Variants in TEP1 observed in about 807,000 individuals in gnomAD.
The protein encoded by TEP1 is telomerase associated protein 1.
In TEP1, 241 loss-of-function variants were observed where a neutral mutation model predicts 306.3. The observed-to-expected ratio is 0.79, with a 90% confidence interval of 0.71 to 0.88. The LOEUF is 0.88. Among genes scored for constraint, TEP1 ranks in the 40% least tolerant of loss-of-function variants. The pLI is 0.00. For synonymous variants in TEP1, 1,289 were observed against 1,305.5 expected (o/e 0.99, Z 0.27); for missense variants, 3,051 against 3,276.1 (o/e 0.93, Z 1.68).
Position 20,386,506 on chromosome 14 carries a change from G to T in TEP1, c.2802C>A (p.Ile934=). ...AGCGGAGGTCGATTCCGTGAAGGCT[G>T]ATACGGTGAGGGGCCGCTCGGGCCT... ...ALQARAAPHR[I]SLHGIDLRWG... The change falls in exon 19 of 55, where the codon ATC becomes ATA. Residue 934 remains isoleucine (I), a synonymous_variant. Coordinates refer to ENST00000262715, the MANE Select transcript of TEP1 (RefSeq NM_007110.5). 1 of 1,612,942 alleles carries T rather than the reference G, an allele frequency of 6.2e-7. No homozygotes were observed. The highest frequency in any genetic ancestry group is 1.1e-5 in the South Asian group (1 of 90,988).
In TEP1 at chr14:20,369,460, T is replaced by G; in HGVS notation, c.7540A>C (p.Thr2514Pro). 1 of 1,614,176 alleles carries G rather than the reference T, an allele frequency of 6.2e-7. No homozygotes were observed. The highest frequency in any genetic ancestry group is 8.5e-7 in the Non-Finnish European group (1 of 1,180,028). The change falls in exon 53 of 55, where the codon ACC becomes CCC. Residue 2514 changes from threonine to proline, a missense_variant. Physicochemically the swap from Thr to Pro is conservative, Grantham distance 38. Transcript: ENST00000262715. Reference sequence around the variant, plus strand: ...GATGGGTCTGTCCCTGGAGTTTGGGTTTCTGGAGTGTTTGCTTTTTTCTGC... The same window carrying G: ...GATGGGTCTGTCCCTGGAGTTTGGGGTTCTGGAGTGTTTGCTTTTTTCTGC... Reference protein sequence around the residue: ...MWQKKANTPETQTPGTDPSTC... With the variant: ...MWQKKANTPEPQTPGTDPSTC...
chr14:20,390,179 T>C lies in TEP1; in HGVS notation c.2335-439A>G, dbSNP rs1171212811. Among the ~76,000 whole-genome samples, 3 of 152,086 alleles carry C rather than the reference T, an allele frequency of 2.0e-5. No homozygotes were observed. The East Asian group carries it at 5.8e-4, about 29-fold the overall frequency. On this transcript the variant is annotated intron_variant, in intron 15 of 54. Transcript: ENST00000262715. ...CAGGAGTTTTAGTTGCAGTGAGCTA[T>C]AAGCGAGCCACTTCACTCCAGCCTG...
chr14:20,378,996 A>C lies in TEP1; in HGVS notation c.5237T>G (p.Leu1746Arg), dbSNP rs1237189432. Residue 1746 changes from leucine to arginine, a missense_variant, in exon 36 of 55, where the codon CTG (leucine) becomes CGG (arginine). Leu to Arg is a moderately radical substitution (Grantham distance 102). Around this residue, in one of 3 missense-constraint regions of TEP1, gnomAD observed 1,540 missense variants for 1,705.9 expected, o/e 0.90. Transcript: ENST00000262715. ...GACCCCTTACCGACAACCATGCTGCAGGTCCCAGAGCTCCAGGAGCCCGTC... is the reference window on the plus strand; with the variant it reads ...GACCCCTTACCGACAACCATGCTGCCGGTCCCAGAGCTCCAGGAGCCCGTC... ...AFDGLLELWD[L>R]QHGCRVLQTK... 6.2e-7 allele frequency: 1 copy of C among 1,614,228 alleles called. No individual in the cohort carries two copies. Among genetic ancestry groups the C allele is most frequent in the East Asian group, 2.2e-5 (1 of 44,888 alleles).
chr14:20,412,422 C>T (rs1490315288), intron 1 of TEP1, among the ~76,000 whole-genome samples: 1 of 152,132 alleles, frequency 6.6e-6, no homozygotes, highest in Non-Finnish European at 1.5e-5. Context: ...AAAGGAGATT[C>T]GGCTGAACCA....
At chr14:20,409,792 G>A (rs895630013) in intron 1 of TEP1, among the ~76,000 whole-genome samples, 6 of 151,868 alleles carry the variant, frequency 4.0e-5, no homozygotes, top group Non-Finnish European at 5.9e-5. Flanking sequence ...AGGCCGAGGC[G>A]GGCGGATCAC....
At chr14:20,405,378 CCCGCCACA>C (rs375869483) in intron 4 of TEP1, 65 bp downstream of exon 4, 3 of 1,548,492 alleles carry the variant, frequency 1.9e-6, no homozygotes, top group Non-Finnish European at 1.7e-6. Context: ...TAGTCACCAC[CCCGCCACA>C]CACCATAACC....
At position 20,395,900 on chromosome 14, in the gene TEP1, T is replaced by C. The variant is rs1330277970; in HGVS notation, c.1709A>G (p.His570Arg). ...AGCCTCGAGGGCATCAATGGCATCATGGGCGTTAAGAAATCTGAATGGAAA... is the reference window on the plus strand; with the variant it reads ...AGCCTCGAGGGCATCAATGGCATCACGGGCGTTAAGAAATCTGAATGGAAA... ...RQFPFRFLNA[H>R]DAIDALEAQL... Residue 570 changes from histidine to arginine, a missense_variant, in exon 11 of 55, where the codon CAT becomes CGT. His to Arg is a conservative substitution (Grantham distance 29). Coordinates refer to ENST00000262715, the MANE Select transcript of TEP1 (RefSeq NM_007110.5). 4.3e-6 allele frequency: 7 copies of C among 1,613,960 alleles called. No homozygotes were observed. The highest frequency in any genetic ancestry group is 1.7e-5 in the Admixed American group (1 of 59,998).
chr14:20,406,935 C>A (rs1266475863), intron 2 of TEP1, among the ~76,000 whole-genome samples: 1 of 152,134 alleles, frequency 6.6e-6, no homozygotes, highest in Admixed American at 6.5e-5. Context: ...CTGATAACAA[C>A]CCTGTGAAGT....
At position 20,378,224 on chromosome 14, in the gene TEP1, G is replaced by T. The variant is rs1021828103; in HGVS notation, c.5521C>A (p.Pro1841Thr). Residue 1841 changes from proline (P) to threonine (T), a missense_variant, in exon 39 of 55, where the codon CCC (proline) becomes ACC (threonine). By Grantham distance (38) the Pro-to-Thr change is conservative (BLOSUM62 -1). Coordinates refer to ENST00000262715, the MANE Select transcript of TEP1 (RefSeq NM_007110.5). ...GLKVTKDLGAPGASIRTLAFN... is the reference protein window; with the variant it reads ...GLKVTKDLGATGASIRTLAFN... ...GCCAAGGTACGGATAGAGGCTCCGG[G>T]TGCCCCCAGGTCCTACACAGGGAGG... 6.2e-6 allele frequency: 10 copies of T among 1,613,310 alleles called. No homozygotes were observed. The highest frequency in any genetic ancestry group is 1.7e-5 in the Admixed American group (1 of 60,000).
rs779214026 is a variant in TEP1, at chr14:20,373,587, A to C, written c.6605-4T>G. ...AGCTCTGACCCAGGCTGTCCAGCTGATAAGACACAGAGACTGAGTCAGAAG... is the reference window on the plus strand; with the variant it reads ...AGCTCTGACCCAGGCTGTCCAGCTGCTAAGACACAGAGACTGAGTCAGAAG... On this transcript the variant is annotated splice_polypyrimidine_tract_variant and splice_region_variant and intron_variant, in intron 45 of 54. Transcript: ENST00000262715. 1.9e-6 allele frequency: 3 copies of C among 1,614,244 alleles called. No homozygotes were observed. Among genetic ancestry groups the C allele is most frequent in the Non-Finnish European group, 2.5e-6 (3 of 1,180,042 alleles).
Position 20,408,098 on chromosome 14 carries a change from G to A in TEP1, c.342C>T (p.Thr114=), listed in dbSNP as rs1464821164. 2 of 1,613,986 alleles carry A rather than the reference G, an allele frequency of 1.2e-6. No homozygotes were observed. Among genetic ancestry groups the A allele is most frequent in the Middle Eastern group, 1.6e-4 (1 of 6,084 alleles). The change falls in exon 2 of 55, where the codon ACC becomes ACT. Residue 114 remains threonine, a synonymous_variant. Transcript: ENST00000262715. ...ILSLENRCLA[T]LSSLKSTVSA... The stretch of plus-strand genomic sequence containing the variant: ...ACACAGTGCTCTTTAGACTAGAGAG[G>A]GTGGCCAGGCACCGGTTCTCCAAGG...
chr14:20,382,584 G>T (rs554042533), intron 28 of TEP1, 39 bp downstream of exon 28: 1 of 1,607,132 alleles, frequency 6.2e-7, no homozygotes, highest in East Asian at 2.2e-5. Flanking sequence ...GAGAGAATGG[G>T]AAGTAGTGAT....
At chr14:20,374,603 T>G (rs1314425860) in intron 43 of TEP1, 67 bp from the exon 44 acceptor site, 1 of 1,227,458 alleles carries the variant, frequency 8.1e-7, no homozygotes, top group African/African-American at 1.5e-5. Flanking sequence ...ATATCTGTAG[T>G]GTAGGGTGGA....
At chr14:20,387,771 G>T in intron 18 of TEP1, 134 bp downstream of exon 18, 1 of 1,105,030 alleles carries the variant, frequency 9.0e-7, no homozygotes. Flanking sequence ...AGAAACCTCC[G>T]CCTGAGAAAG....
intron 51 of TEP1, among the ~76,000 whole-genome samples, chr14:20,370,218 G>A (rs957184857): frequency 1.3e-5 from 2 of 151,648 alleles, no homozygotes; most frequent in African/African-American, 4.8e-5. Context: ...CTGGGTAAGT[G>A]CACAAATCTT....
At position 20,378,833 on chromosome 14, in the gene TEP1, T is replaced by C. The variant is rs769940204; in HGVS notation, c.5273A>G (p.His1758Arg). ...GCAGCAGCCAGTGATTTGGTACTGG[T>C]GAGCCTTAGTCTGCAGCACCCTATC... ...HGCRVLQTKA[H>R]QYQITGCCLS... Residue 1758 changes from histidine to arginine, a missense_variant, in exon 37 of 55, where the codon CAC (histidine) becomes CGC (arginine). Physicochemically the swap from His to Arg is conservative, Grantham distance 29. Coordinates refer to ENST00000262715, the MANE Select transcript of TEP1 (RefSeq NM_007110.5). 17 of 1,614,216 alleles carry C rather than the reference T, an allele frequency of 1.1e-5. No homozygotes were observed. Among genetic ancestry groups the C allele is most frequent in the Non-Finnish European group, 1.4e-5 (17 of 1,180,034 alleles).
chr14:20,389,482 A>AT, intron 16 of TEP1, 128 bp downstream of exon 16: 1 of 1,496,488 alleles, frequency 6.7e-7, no homozygotes, highest in Non-Finnish European at 9.1e-7. Flanking sequence ...CCTGAAGTGC[A>AT]ACAGAGGTAA....
chr14:20,371,679 A>G (rs1884851885), intron 49 of TEP1, 47 bp from the exon 50 acceptor site: 1 of 1,516,460 alleles, frequency 6.6e-7, no homozygotes, highest in South Asian at 1.4e-5. Flanking sequence ...ATTTTAGTTA[A>G]CCTTTCTCAG....
intron 18 of TEP1, 22 bp downstream of exon 18, chr14:20,387,883 A>C (rs1877335801): frequency 1.3e-6 from 2 of 1,559,686 alleles, no homozygotes; most frequent in African/African-American, 2.8e-5. Flanking sequence ...CAATTCACAA[A>C]GGCATAGAAA....
Sources: allele counts gnomAD v4.1 joint callset (sites outside exome capture counted in the v4.1 genomes callset), GRCh38; gene constraint gnomAD v4.1.1; regional missense constraint gnomAD v4.1.1; transcripts MANE v1.5; gene names NCBI Gene and HGNC (gene_info 2026-07-23, HGNC 2026-07-21).